Variants in YEATS4 observed in about 807,000 individuals in gnomAD.
YEATS4 encodes the protein YEATS domain-containing protein 4.
In YEATS4, 17 loss-of-function variants were observed where a neutral mutation model predicts 30.1. The ratio of observed to expected loss-of-function variants is 0.56; its 90% confidence interval spans 0.39 to 0.85. The LOEUF is 0.85. Ranked by LOEUF, YEATS4 falls within the 40% of genes least tolerant of loss-of-function variation. YEATS4 has a pLI of 0.00. For synonymous variants in YEATS4, 85 were observed against 87.5 expected (o/e 0.97, Z 0.16); for missense variants, 142 against 268.3 (o/e 0.53, Z 3.29).
the YEATS4 span, among the ~76,000 whole-genome samples, chr12:69,408,731 C>A: frequency 6.6e-6 from 1 of 152,204 alleles, no homozygotes; most frequent in Non-Finnish European, 1.5e-5. Context: ...ATCGCTCCAG[C>A]CTGAGTAGAT....
the YEATS4 span, among the ~76,000 whole-genome samples, chr12:69,411,598 A>G: frequency 6.6e-6 from 1 of 152,256 alleles, no homozygotes; most frequent in Admixed American, 6.5e-5. Flanking sequence ...CGGGAAAAAG[A>G]AAATTTGAAC....
intron 2 of YEATS4, 127 bp from the exon 3 acceptor site, chr12:69,365,506 A>G (rs1372069270): frequency 4.4e-6 from 3 of 678,156 alleles, no homozygotes; most frequent in Admixed American, 6.7e-5. Context: ...TGTTTTTTAG[A>G]AAATTAGATT....
intron 6 of YEATS4, among the ~76,000 whole-genome samples, chr12:69,376,628 T>C (rs762180320): frequency 1.4e-4 from 21 of 152,248 alleles, no homozygotes; most frequent in Non-Finnish European, 2.4e-4. Context: ...TGTTATGGAT[T>C]TTTGCATCAG....
the YEATS4 span, among the ~76,000 whole-genome samples, chr12:69,412,764 A>G: frequency 8.5e-5 from 13 of 152,324 alleles, no homozygotes; most frequent in African/African-American, 3.1e-4. Context: ...ATTCGAGTGC[A>G]TAGGCTTGGG....
the YEATS4 span, among the ~76,000 whole-genome samples, chr12:69,402,823 T>C: frequency 6.7e-6 from 1 of 149,636 alleles, no homozygotes; most frequent in African/African-American, 2.5e-5. Context: ...TCTCCTGGGC[T>C]CATGCAATTC....
the YEATS4 span, among the ~76,000 whole-genome samples, chr12:69,423,211 T>G: frequency 1.3e-5 from 2 of 152,148 alleles, no homozygotes; most frequent in Non-Finnish European, 2.9e-5. Context: ...CTGGTTGAGT[T>G]TGAAAGCACA....
chr12:69,401,617 G>A, the YEATS4 span, among the ~76,000 whole-genome samples: 1 of 152,192 alleles, frequency 6.6e-6, no homozygotes, highest in Non-Finnish European at 1.5e-5. Flanking sequence ...TCTGAGTGTG[G>A]TCTAGATTGT....
intron 6 of YEATS4, among the ~76,000 whole-genome samples, chr12:69,385,139 C>G (rs1270081121): frequency 6.6e-6 from 1 of 151,846 alleles, no homozygotes; most frequent in African/African-American, 2.4e-5. Flanking sequence ...GGCCCCCTAA[C>G]AGTAGCTAGG....
chr12:69,393,278 A>C (rs527370330), downstream of YEATS4, among the ~76,000 whole-genome samples: 1,158 of 151,994 alleles, frequency 7.6e-3, 7 homozygotes, highest in Middle Eastern at 0.014. Flanking sequence ...TGGTCTCTAC[A>C]AAAAAAACCA....
At chr12:69,392,805 ATACT>A, downstream of YEATS4, among the ~76,000 whole-genome samples, 1 of 152,328 alleles carries the variant, frequency 6.6e-6, no homozygotes, top group East Asian at 1.9e-4. Flanking sequence ...TGTCTCATTA[ATACT>A]TAATTCTCAT....
At position 69,365,692 on chromosome 12, in the gene YEATS4, T is replaced by C. The variant is rs1875400777; in HGVS notation, c.231T>C (p.Pro77=). ...AATTACATGAAAGCTATGGCAATCC[T>C]TTAAGAGGTACAATATAGTCTTTTG... The part of the protein sequence containing the change: ...QFKLHESYGN[P]LRVVTKPPYE... The change falls in exon 3 of 7, where the codon CCT becomes CCC. Residue 77 remains proline (P), a synonymous_variant. Coordinates refer to ENST00000247843, the MANE Select transcript of YEATS4 (RefSeq NM_006530.4). 1 of 1,611,842 alleles carries C rather than the reference T, an allele frequency of 6.2e-7. No homozygotes were observed. The highest frequency in any genetic ancestry group is 8.5e-7 in the Non-Finnish European group (1 of 1,178,384).
intron 6 of YEATS4, among the ~76,000 whole-genome samples, chr12:69,378,601 A>G (rs1012063453): frequency 5.9e-5 from 9 of 152,322 alleles, no homozygotes; most frequent in African/African-American, 2.2e-4. Flanking sequence ...GTTGTTTTAA[A>G]CTGATGACAG....
At chr12:69,423,666 A>G in the YEATS4 span, among the ~76,000 whole-genome samples, 12 of 152,212 alleles carry the variant, frequency 7.9e-5, no homozygotes, top group Non-Finnish European at 1.6e-4. Flanking sequence ...GACTTGCCCT[A>G]TAGACAAGAA....
chr12:69,422,690 A>C, the YEATS4 span: 1 of 149,702 alleles, frequency 6.7e-6, no homozygotes, highest in Non-Finnish European at 1.5e-5. Context: ...GATTGTGCCA[A>C]AAAGGGCCAA....
intron 6 of YEATS4, among the ~76,000 whole-genome samples, chr12:69,372,540 T>TTTTTTC (rs1555175149): frequency 1.3e-5 from 2 of 148,280 alleles, no homozygotes; most frequent in Admixed American, 6.7e-5. Flanking sequence ...CTCATGAGTT[T>TTTTTTC]TTTTTTTTTT....
the YEATS4 span, among the ~76,000 whole-genome samples, chr12:69,401,552 A>C: frequency 6.6e-6 from 1 of 152,234 alleles, no homozygotes; most frequent in Admixed American, 6.5e-5. Flanking sequence ...TCCTGGAAGG[A>C]CATGCCCATG....
intron 6 of YEATS4, among the ~76,000 whole-genome samples, chr12:69,372,578 T>C (rs1309013685): frequency 6.7e-6 from 1 of 149,366 alleles, no homozygotes; most frequent in African/African-American, 2.5e-5. Flanking sequence ...TCTGTTGGCC[T>C]GGCTGGAGGG....
the YEATS4 span, among the ~76,000 whole-genome samples, chr12:69,402,232 C>T: frequency 1.3e-5 from 2 of 152,158 alleles, no homozygotes; most frequent in Non-Finnish European, 2.9e-5. Context: ...CAATGCCAGG[C>T]ACAGAGTCTG....
At chr12:69,409,532 G>A in the YEATS4 span, among the ~76,000 whole-genome samples, 6 of 151,774 alleles carry the variant, frequency 4.0e-5, no homozygotes, top group East Asian at 3.9e-4. Context: ...CAGGAGAATC[G>A]CTTGAACTCG....
Sources: allele counts gnomAD v4.1 joint callset (sites outside exome capture counted in the v4.1 genomes callset), GRCh38; gene constraint gnomAD v4.1.1; transcripts MANE v1.5; gene names NCBI Gene and HGNC (gene_info 2026-07-23, HGNC 2026-07-21).